Variants in ARMH3 observed in about 807,000 individuals in gnomAD.
The protein encoded by ARMH3 is armadillo-like helical domain-containing protein 3.
In ARMH3, 60 loss-of-function variants were observed where a neutral mutation model predicts 99.1. The ratio of observed to expected loss-of-function variants is 0.61; its 90% CI spans 0.49 to 0.75. The LOEUF (loss-of-function observed/expected upper bound fraction) is 0.75. Ranked by LOEUF, ARMH3 falls within the 30% of genes least tolerant of loss-of-function variation. ARMH3 has a pLI of 0.00. For synonymous variants in ARMH3, 285 were observed against 292.8 expected (o/e 0.97, Z 0.27); for missense variants, 679 against 843.1 (o/e 0.81, Z 2.41).
chr10:101,931,639 T>C (rs1843726176), intron 23 of ARMH3, among the ~76,000 whole-genome samples: 1 of 151,960 alleles, frequency 6.6e-6, no homozygotes, highest in Non-Finnish European at 1.5e-5. Context: ...CAAAGGAAGC[T>C]GGGTGTAGTG....
At chr10:102,026,145 CA>C (rs1195619511) in intron 5 of ARMH3, among the ~76,000 whole-genome samples, 8 of 152,014 alleles carry the variant, frequency 5.3e-5, no homozygotes, top group Admixed American at 5.3e-4. Flanking sequence ...CCAAACTAAT[CA>C]AAAGATGAAA....
intron 1 of ARMH3, among the ~76,000 whole-genome samples, chr10:102,047,138 T>TCC (rs1214108097): frequency 3.3e-5 from 5 of 152,158 alleles, no homozygotes; most frequent in Non-Finnish European, 5.9e-5. Flanking sequence ...AACATGGTAA[T>TCC]TTTTTTAAGG....
Position 102,040,015 on chromosome 10 carries a change from T to C in ARMH3, c.100A>G (p.Met34Val). 6.2e-7 allele frequency: 1 copy of C among 1,613,640 alleles called. No homozygotes were observed. Among genetic ancestry groups the C allele is most frequent in the Non-Finnish European group, 8.5e-7 (1 of 1,179,524 alleles). ...KVVLMYDEIF[M>V]TEDPSKCSPR... ...CACAACAAGGCCGCAGGCCTTACCATGAAGATCTCATCATACATCAGCACC... is the reference window on the plus strand; with the variant it reads ...CACAACAAGGCCGCAGGCCTTACCACGAAGATCTCATCATACATCAGCACC... Residue 34 changes from methionine to valine, a missense_variant and splice_region_variant, in exon 2 of 26, where the codon ATG (methionine) becomes GTG (valine). Met to Val is a conservative substitution (Grantham distance 21). Around this residue, in one of 3 missense-constraint regions of ARMH3, gnomAD observed 280 missense variants for 354.6 expected, o/e 0.79. Transcript: ENST00000370033.
intron 23 of ARMH3, among the ~76,000 whole-genome samples, chr10:101,927,212 T>G (rs962872678): frequency 6.6e-6 from 1 of 152,226 alleles, no homozygotes; most frequent in African/African-American, 2.4e-5. Flanking sequence ...AAATTAAAGT[T>G]AATTTATCAT....
intron 5 of ARMH3, among the ~76,000 whole-genome samples, chr10:102,027,180 G>A (rs956583099): frequency 5.3e-5 from 8 of 151,652 alleles, no homozygotes; most frequent in African/African-American, 1.9e-4. Flanking sequence ...TCAGGTGGCT[G>A]AGGCAGGAGA....
intron 22 of ARMH3, among the ~76,000 whole-genome samples, chr10:101,944,813 C>CA (rs1045433172): frequency 4.9e-4 from 70 of 142,652 alleles, no homozygotes; most frequent in African/African-American, 1.1e-3. Context: ...GACTCCATCT[C>CA]AAAAAAAAAA....
Position 101,924,688 on chromosome 10 carries a change from T to C in ARMH3, c.1781+15175A>G, listed in dbSNP as rs372070411. 2.0e-5 allele frequency among the ~76,000 whole-genome samples: 3 copies of C among 152,012 alleles called. No homozygotes were observed. In the East Asian group the frequency reaches 5.8e-4, roughly 29 times the overall value. ...TTTTCTTAATAATAAGCAAGTAGCATTAAAATAAAATAAAATAAAATATGG... is the reference window on the plus strand; with the variant it reads ...TTTTCTTAATAATAAGCAAGTAGCACTAAAATAAAATAAAATAAAATATGG... On this transcript the variant is annotated intron_variant, in intron 23 of 25. Transcript: ENST00000370033.
chr10:101,896,709 T>A (rs17698831), intron 23 of ARMH3, among the ~76,000 whole-genome samples: 8,830 of 152,258 alleles, frequency 0.058, 272 homozygotes, highest in African/African-American at 0.067. Context: ...AAAGCTTGCA[T>A]ATGTTAGCAA....
At chr10:101,904,363 T>C (rs1183444578) in intron 23 of ARMH3, among the ~76,000 whole-genome samples, 4 of 152,148 alleles carry the variant, frequency 2.6e-5, no homozygotes, top group East Asian at 1.9e-4. Context: ...GCAGGGCCTC[T>C]AGCTTACATA....
intron 8 of ARMH3, among the ~76,000 whole-genome samples, chr10:102,022,883 A>C (rs554737314): frequency 1.3e-5 from 2 of 148,180 alleles, no homozygotes; most frequent in Non-Finnish European, 3.0e-5. Flanking sequence ...CCCGGCCGAA[A>C]TTTTTTCTTT....
At chr10:101,889,581 A>G (rs2067637973) in intron 23 of ARMH3, 91 bp from the exon 24 acceptor site, 2 of 1,191,980 alleles carry the variant, frequency 1.7e-6, no homozygotes, top group Non-Finnish European at 2.5e-6. Flanking sequence ...TCTGGTTTAG[A>G]GTACTAGAGC....
At chr10:101,976,768 G>A (rs1846032134) in intron 19 of ARMH3, among the ~76,000 whole-genome samples, 1 of 152,030 alleles carries the variant, frequency 6.6e-6, no homozygotes, top group Admixed American at 6.6e-5. Context: ...GGTGGCACAA[G>A]CCTATACTCC....
Position 101,867,553 on chromosome 10 carries a change from C to T in ARMH3, c.1861-17661G>A, listed in dbSNP as rs905895154. On this transcript the variant is annotated intron_variant, in intron 24 of 25. Transcript: ENST00000370033. ...TCACTGTTACAGAAAAAGCCATGGG[C>T]GAGGTGCAGTGGCTCACACCTGTAA... Among the ~76,000 whole-genome samples the T allele has an allele frequency of 3.9e-5, 6 of 152,100 alleles. No individual in the cohort carries two copies. In the East Asian group the frequency reaches 5.8e-4, roughly 15 times the overall value.
At chr10:101,907,603 C>A (rs934965491) in intron 23 of ARMH3, among the ~76,000 whole-genome samples, 1 of 152,070 alleles carries the variant, frequency 6.6e-6, no homozygotes, top group Non-Finnish European at 1.5e-5. Flanking sequence ...AGGCTGGTCT[C>A]GAACTCCTGA....
chr10:101,873,466 T>C (rs964514396), intron 24 of ARMH3, among the ~76,000 whole-genome samples: 1 of 152,094 alleles, frequency 6.6e-6, no homozygotes, highest in African/African-American at 2.4e-5. Flanking sequence ...GTTTCTTTTT[T>C]TCTTTCAACA....
chr10:101,987,503 T>C (rs1001805085), intron 19 of ARMH3, among the ~76,000 whole-genome samples: 1 of 152,230 alleles, frequency 6.6e-6, no homozygotes, highest in Admixed American at 6.5e-5. Flanking sequence ...ACCTTAGTTA[T>C]GCAGCTTACT....
chr10:101,949,187 CA>C (rs551736988), intron 22 of ARMH3, among the ~76,000 whole-genome samples: 2 of 150,700 alleles, frequency 1.3e-5, no homozygotes, highest in African/African-American at 2.4e-5. Context: ...AAAAAACTAG[CA>C]AAAAAAGAGC....
intron 20 of ARMH3, among the ~76,000 whole-genome samples, chr10:101,967,706 C>T (rs1380825719): frequency 1.3e-5 from 2 of 152,134 alleles, no homozygotes; most frequent in African/African-American, 4.8e-5. Context: ...CACGGCACTC[C>T]AGCCTGGGCT....
intron 5 of ARMH3, 25 bp from the exon 6 acceptor site, chr10:102,025,273 T>TAA: frequency 6.3e-7 from 1 of 1,590,726 alleles, no homozygotes; most frequent in Non-Finnish European, 8.6e-7. Flanking sequence ...CAATAAGCAT[T>TAA]AAACCATACC....
Sources: gnomAD v4.1 joint callset for allele counts (sites outside exome capture counted in the v4.1 genomes callset) on GRCh38, gnomAD v4.1.1 for gene constraint, gnomAD v4.1.1 regional missense constraint, MANE v1.5 for transcripts, NCBI Gene and HGNC (gene_info 2026-07-23, HGNC 2026-07-21) for gene names.